The following PCSK6 variants were observed in gnomAD, a reference collection of about 807,000 sequenced individuals.
PCSK6 encodes the protein proprotein convertase subtilisin/kexin type 6.
A neutral mutation model predicts 123.3 loss-of-function variants in PCSK6; 85 were observed. The observed-to-expected ratio is 0.69, with a 90% confidence interval of 0.58 to 0.83. The LOEUF is 0.83. Among genes scored for constraint, PCSK6 ranks in the 40% least tolerant of loss-of-function variants. The probability of loss-of-function intolerance (pLI) is 0.00; values close to 1 mark genes in which losing one functional copy is unlikely to be tolerated. For synonymous variants in PCSK6, 508 were observed against 516.0 expected, an observed-to-expected ratio of 0.98 and a Z score of 0.21; for missense variants, 1,191 against 1,282.3, an observed-to-expected ratio of 0.93 and a Z score of 1.09.
rs2055960201 is a variant in PCSK6 at position 101,418,300 on chromosome 15, GAA to G, written c.823+9590_823+9591del. Among the ~76,000 whole-genome samples the G allele has an allele frequency of 1.3e-5, 2 of 152,138 alleles. 1 individual carries two copies. The highest frequency in any genetic ancestry group is 4.1e-4 in the South Asian group (2 of 4,830). On this transcript the variant is annotated intron_variant, in intron 6 of 21. Transcript: ENST00000611716. ...TTAACTATTTCAGAGCACAGGAAAA[GAA>G]AGTTTCCTAACTCTTTCTACGAGAC...
intron 17 of PCSK6, among the ~76,000 whole-genome samples, chr15:101,322,882 A>G (rs1000518663): frequency 1.3e-4 from 20 of 152,346 alleles, no homozygotes; most frequent in African/African-American, 4.8e-4. Flanking sequence ...ATGGAGGCCA[A>G]TTCCTGGTGG....
chr15:101,429,332 T>G (rs1206277465), intron 5 of PCSK6, among the ~76,000 whole-genome samples: 3 of 152,080 alleles, frequency 2.0e-5, no homozygotes, highest in Non-Finnish European at 4.4e-5. Flanking sequence ...TGCCTCCACT[T>G]GCAAAATGAC....
intron 13 of PCSK6, chr15:101,365,044 C>A: frequency 1.3e-6 from 1 of 770,998 alleles, no homozygotes; most frequent in Non-Finnish European, 2.4e-6. Context: ...CTCAAGATCA[C>A]CTAATGGGTA....
At chr15:101,453,139 G>T in intron 1 of PCSK6, among the ~76,000 whole-genome samples, 1 of 152,216 alleles carries the variant, frequency 6.6e-6, no homozygotes, top group East Asian at 1.9e-4. Context: ...GCGACAGACT[G>T]CTTCTCAGAG....
Position 101,393,245 on chromosome 15 carries a change from G to T in PCSK6, c.1176C>A (p.Thr392=). Residue 392 remains threonine (T), a synonymous_variant, in exon 8 of 22, where the codon ACC becomes ACA. Transcript: ENST00000611716. ...LEECASTLAT[T]YSSGAFYERK... is the part of the protein sequence containing the mutation. Reference sequence around the variant, plus strand: ...GCTCATAAAAGGCCCCACTGCTGTAGGTGGTGGCCAGGGTGGAGGCACACT... The same window carrying T: ...GCTCATAAAAGGCCCCACTGCTGTATGTGGTGGCCAGGGTGGAGGCACACT... 1 of 1,613,768 alleles carries T rather than the reference G, an allele frequency of 6.2e-7. No homozygotes were observed. Among genetic ancestry groups the T allele is most frequent in the Non-Finnish European group, 8.5e-7 (1 of 1,179,916 alleles).
rs2042494002 is a variant in PCSK6 at position 101,398,652 on chromosome 15, C to T, written c.824-76G>A. The T allele has an allele frequency of 1.3e-6, 2 of 1,506,802 alleles. No homozygotes were observed. Among genetic ancestry groups the T allele is most frequent in the East Asian group, 4.6e-5 (2 of 43,874 alleles). The allele number at this position is 1,506,802 out of a possible 1,614,324, so 93.3% of individuals were successfully genotyped here. The stretch of plus-strand genomic sequence containing the variant: ...GCGACGGGAACCCGGGCCCAGGAGG[C>T]TCGGATGAGGACACCGCATCACAGA... On this transcript the variant is annotated intron_variant, in intron 6 of 21. Coordinates refer to ENST00000611716, the MANE Select transcript of PCSK6 (RefSeq NM_002570.5). The surrounding 1 kb of genome is among the most constrained non-coding windows in gnomAD (Gnocchi z 4.6).
intron 6 of PCSK6, among the ~76,000 whole-genome samples, chr15:101,402,589 C>T (rs1275482832): frequency 6.6e-6 from 1 of 152,264 alleles, no homozygotes; most frequent in African/African-American, 2.4e-5. Context: ...AAACAAACAA[C>T]CCCATCAAAA....
At chr15:101,408,376 C>G (rs1314498023) in intron 6 of PCSK6, among the ~76,000 whole-genome samples, 1 of 152,254 alleles carries the variant, frequency 6.6e-6, no homozygotes, top group Admixed American at 6.5e-5. Context: ...GCAGCCCTCT[C>G]AGGAACCCAG....
At chr15:101,471,668 G>A (rs1168639996) in intron 1 of PCSK6, among the ~76,000 whole-genome samples, 1 of 152,134 alleles carries the variant, frequency 6.6e-6, no homozygotes, top group Non-Finnish European at 1.5e-5. Context: ...GATGAAACAA[G>A]CAAAAGTAAA....
chr15:101,413,636 G>C (rs199910900), intron 6 of PCSK6, among the ~76,000 whole-genome samples: 1 of 149,574 alleles, frequency 6.7e-6, no homozygotes, highest in South Asian at 2.1e-4. Flanking sequence ...ACAGCAGACC[G>C]GGGGGCTACA....
At chr15:101,443,479 A>C (rs1332694109) in intron 2 of PCSK6, 77 bp downstream of exon 2, 2 of 979,848 alleles carry the variant, frequency 2.0e-6, no homozygotes, top group South Asian at 1.4e-5. Flanking sequence ...AATCACATTA[A>C]AATCCAGACT....
chr15:101,332,260 G>A (rs989059317), intron 13 of PCSK6, among the ~76,000 whole-genome samples: 8 of 151,994 alleles, frequency 5.3e-5, no homozygotes, highest in Admixed American at 3.3e-4. Context: ...CTGTTCTATC[G>A]AGCTGCCCTC....
intron 1 of PCSK6, among the ~76,000 whole-genome samples, chr15:101,452,007 T>G (rs1000748376): frequency 2.2e-4 from 34 of 152,228 alleles, no homozygotes; most frequent in East Asian, 3.8e-4. Context: ...TTTTAAAAAC[T>G]GCTTCCCATT....
chr15:101,456,333 T>C (rs2057179070), intron 1 of PCSK6, among the ~76,000 whole-genome samples: 1 of 152,212 alleles, frequency 6.6e-6, no homozygotes, highest in African/African-American at 2.4e-5. Context: ...TGTGCGTTTA[T>C]CAATAGTGAC....
intron 13 of PCSK6, among the ~76,000 whole-genome samples, chr15:101,333,402 G>A (rs144677437): frequency 8.9e-4 from 136 of 152,308 alleles, no homozygotes; most frequent in African/African-American, 2.8e-3. Flanking sequence ...TGTCTCCTGC[G>A]ACCCAAGCTG....
chr15:101,458,880 T>C (rs529087461), intron 1 of PCSK6, among the ~76,000 whole-genome samples: 1 of 152,276 alleles, frequency 6.6e-6, no homozygotes, highest in East Asian at 1.9e-4. Context: ...TTCACATCCA[T>C]CTCACTTGGA....
intron 11 of PCSK6, among the ~76,000 whole-genome samples, chr15:101,375,443 G>A (rs185830576): frequency 6.6e-6 from 1 of 152,320 alleles, no homozygotes; most frequent in East Asian, 1.9e-4. Flanking sequence ...TGAGGGGACT[G>A]AATTAGCTGG....
chr15:101,423,986 G>T (rs2056169338), intron 6 of PCSK6, among the ~76,000 whole-genome samples: 1 of 152,240 alleles, frequency 6.6e-6, no homozygotes, highest in Non-Finnish European at 1.5e-5. Flanking sequence ...ACTTTGGGAG[G>T]CTGAGGTGGG....
intron 20 of PCSK6, among the ~76,000 whole-genome samples, chr15:101,311,579 C>T (rs1022142495): frequency 1.3e-5 from 2 of 152,038 alleles, no homozygotes; most frequent in Non-Finnish European, 2.9e-5. Flanking sequence ...CTTTATAAAT[C>T]ACCCAACCTC....
Sources: allele counts gnomAD v4.1 joint callset (sites outside exome capture counted in the v4.1 genomes callset), GRCh38; gene constraint gnomAD v4.1.1; non-coding constraint Gnocchi (gnomAD v3.1); transcripts MANE v1.5; gene names NCBI Gene and HGNC (gene_info 2026-07-23, HGNC 2026-07-21).